Variants in RSRC1 observed in about 807,000 individuals in gnomAD.
The protein encoded by RSRC1 is arginine and serine rich coiled-coil 1.
In RSRC1, 39 loss-of-function variants were observed where a neutral mutation model predicts 49.1. The observed-to-expected ratio is 0.79, with a 90% CI of 0.61 to 1.04. RSRC1 has a LOEUF of 1.04. RSRC1 is among the 50% of genes least tolerant of loss of function. The pLI, the probability that RSRC1 is intolerant of heterozygous loss-of-function variation, is 0.00. For synonymous variants in RSRC1, 143 were observed against 130.8 expected (o/e 1.09, Z -0.63); for missense variants, 388 against 402.4 (o/e 0.96, Z 0.31).
intron 6 of RSRC1, among the ~76,000 whole-genome samples, chr3:158,387,755 G>C (rs1445647981): frequency 2.0e-5 from 3 of 152,006 alleles, no homozygotes; most frequent in Non-Finnish European, 4.4e-5. Flanking sequence ...GAGAAGAAAG[G>C]GTCATTTTTC....
chr3:158,386,147 A>G (rs1307684417), intron 6 of RSRC1, among the ~76,000 whole-genome samples: 1 of 152,112 alleles, frequency 6.6e-6, no homozygotes, highest in Non-Finnish European at 1.5e-5. Flanking sequence ...TGTTTTAGAA[A>G]ACATACAGTA....
At chr3:158,449,404 G>A (rs1356030496) in intron 6 of RSRC1, among the ~76,000 whole-genome samples, 1 of 151,906 alleles carries the variant, frequency 6.6e-6, no homozygotes, top group East Asian at 1.9e-4. Context: ...GGAAAATAAA[G>A]TTGGGAAACA....
chr3:158,438,957 C>G (rs1350331707), intron 6 of RSRC1, among the ~76,000 whole-genome samples: 1 of 151,840 alleles, frequency 6.6e-6, no homozygotes, highest in African/African-American at 2.4e-5. Context: ...CAATGAACTC[C>G]AACAAATTTA....
intron 3 of RSRC1, among the ~76,000 whole-genome samples, chr3:158,158,971 C>G (rs1047200190): frequency 6.6e-6 from 1 of 151,274 alleles, no homozygotes; most frequent in Non-Finnish European, 1.5e-5. Context: ...AGTGTTTTTC[C>G]TCACAAAAAA....
At chr3:158,466,806 A>C (rs1026177514) in intron 7 of RSRC1, among the ~76,000 whole-genome samples, 1 of 152,342 alleles carries the variant, frequency 6.6e-6, no homozygotes, top group South Asian at 2.1e-4. Context: ...TCACATCTGT[A>C]ATCCCAGCAC....
chr3:158,216,023 A>G (rs1000643476), intron 4 of RSRC1, among the ~76,000 whole-genome samples: 7 of 151,234 alleles, frequency 4.6e-5, no homozygotes, highest in Non-Finnish European at 8.9e-5. Context: ...ATTTTTGTAA[A>G]TTCTCAGGTT....
chr3:158,262,456 C>T (rs1182822468), intron 4 of RSRC1, among the ~76,000 whole-genome samples: 2 of 152,134 alleles, frequency 1.3e-5, no homozygotes, highest in Non-Finnish European at 2.9e-5. Flanking sequence ...CATTTCTAGA[C>T]ATTTTGTTGT....
At chr3:158,517,312 G>A (rs1362849019) in intron 7 of RSRC1, among the ~76,000 whole-genome samples, 1 of 151,752 alleles carries the variant, frequency 6.6e-6, no homozygotes, top group African/African-American at 2.4e-5. Flanking sequence ...TTATCTTTTT[G>A]TCTCTTTCCA....
rs972949677 is a variant in RSRC1, at chr3:158,539,286, G to C, written c.759+2088G>C. The stretch of plus-strand genomic sequence containing the variant: ...TGTGTTAATTCCACTAATTAAGCTA[G>C]GGAGCTTTTACCAGAAAAGTGGCTA... On this transcript the variant is annotated intron_variant, in intron 8 of 9. Transcript: ENST00000611884. This position sits in a 1 kb window ranked among gnomAD's most constrained non-coding sequence, Gnocchi z 4.1. Among the ~76,000 whole-genome samples the C allele has an allele frequency of 6.6e-6, 1 of 152,036 alleles. No individual in the cohort carries two copies. The highest frequency in any genetic ancestry group is 1.5e-5 in the Non-Finnish European group (1 of 67,954).
Position 158,229,141 on chromosome 3 carries a change from AACAT to A in RSRC1, c.494+25903_494+25906del, listed in dbSNP as rs1227502800. ...AAACATACGTGTATATGTGTATATA[AACAT>A]ACATACGTGTATATATGTATATAAA... On this transcript the variant is annotated intron_variant, in intron 4 of 9. Transcript: ENST00000611884. 2.0e-5 allele frequency among the ~76,000 whole-genome samples: 3 copies of A among 150,492 alleles called. 1 individual carries two copies. The highest frequency in any genetic ancestry group is 7.3e-5 in the African/African-American group (3 of 41,120).
At chr3:158,486,190 A>G (rs568663922) in intron 7 of RSRC1, among the ~76,000 whole-genome samples, 2 of 152,260 alleles carry the variant, frequency 1.3e-5, no homozygotes, top group East Asian at 3.9e-4. Flanking sequence ...TACAAGTGTT[A>G]GTTGATCTAA....
At chr3:158,476,438 G>T (rs1354919108) in intron 7 of RSRC1, among the ~76,000 whole-genome samples, 2 of 152,202 alleles carry the variant, frequency 1.3e-5, no homozygotes, top group African/African-American at 4.8e-5. Context: ...TCAAAGCTTC[G>T]AAGAACAGGC....
In RSRC1 at chr3:158,544,421, C is replaced by G. The variant is rs1713215522; in HGVS notation, c.*146C>G. 1 of 446,584 alleles carries G rather than the reference C, an allele frequency of 2.2e-6. No individual in the cohort carries two copies. The highest frequency in any genetic ancestry group is 4.0e-6 in the Non-Finnish European group (1 of 252,164). The allele number at this position is 446,584 out of a possible 1,614,324, so 27.7% of individuals were successfully genotyped here. A position where few individuals can be genotyped will look rare whatever the true frequency, so the allele number is the denominator to read the frequency against. Reference sequence around the variant, plus strand: ...TCATTTCATTTGTCTCTCATGTAGGCTTGAATATTTGTTAATTTGAATTAA... The same window carrying G: ...TCATTTCATTTGTCTCTCATGTAGGGTTGAATATTTGTTAATTTGAATTAA... On this transcript the variant is annotated 3_prime_UTR_variant, in exon 10 of 10. Coordinates refer to ENST00000611884, the MANE Select transcript of RSRC1 (RefSeq NM_001271838.2).
At chr3:158,426,633 G>A (rs1481232401) in intron 6 of RSRC1, among the ~76,000 whole-genome samples, 1 of 151,622 alleles carries the variant, frequency 6.6e-6, no homozygotes, top group Non-Finnish European at 1.5e-5. Context: ...TATGTTTTTA[G>A]TATGTTTGAA....
chr3:158,480,971 A>G (rs1350935639), intron 7 of RSRC1, among the ~76,000 whole-genome samples: 1 of 152,050 alleles, frequency 6.6e-6, no homozygotes, highest in Non-Finnish European at 1.5e-5. Flanking sequence ...ATCTAATTCA[A>G]CAGAATTAAG....
chr3:158,182,922 G>A (rs577698105), intron 3 of RSRC1, among the ~76,000 whole-genome samples: 6 of 152,052 alleles, frequency 3.9e-5, no homozygotes, highest in Non-Finnish European at 8.8e-5. Context: ...ATGCTGTAAA[G>A]CACTATCTGG....
chr3:158,332,245 G>A (rs1729589818), intron 5 of RSRC1, among the ~76,000 whole-genome samples: 1 of 152,114 alleles, frequency 6.6e-6, no homozygotes, highest in South Asian at 2.1e-4. Context: ...CCATAGTTTT[G>A]GACTTTCCTG....
chr3:158,185,930 C>T (rs947310320), intron 3 of RSRC1, among the ~76,000 whole-genome samples: 1 of 151,930 alleles, frequency 6.6e-6, no homozygotes, highest in African/African-American at 2.4e-5. Flanking sequence ...TTTTATTAGG[C>T]TGATATTCCA....
intron 5 of RSRC1, among the ~76,000 whole-genome samples, chr3:158,349,476 C>T (rs1422372131): frequency 6.6e-6 from 1 of 151,996 alleles, no homozygotes; most frequent in Non-Finnish European, 1.5e-5. Context: ...TTAAGTAGTC[C>T]AGCCGCCTTT....
Sources: gnomAD v4.1 joint callset for allele counts (sites outside exome capture counted in the v4.1 genomes callset) on GRCh38, gnomAD v4.1.1 for gene constraint, Gnocchi (gnomAD v3.1) non-coding constraint, MANE v1.5 for transcripts, NCBI Gene and HGNC (gene_info 2026-07-23, HGNC 2026-07-21) for gene names.